The following TSPEAR variants were observed in gnomAD, a reference collection of about 807,000 sequenced individuals.
TSPEAR encodes thrombospondin type laminin G domain and EAR repeats.
TSPEAR carries 69 observed loss-of-function variants against 71.6 expected under a neutral mutation model. The ratio of observed to expected loss-of-function variants is 0.96; its 90% CI spans 0.79 to 1.18. The LOEUF (loss-of-function observed/expected upper bound fraction) is 1.18. Among genes scored for constraint, TSPEAR ranks in the 50% most tolerant of loss-of-function variants. The pLI, the probability that TSPEAR is intolerant of heterozygous loss-of-function variation, is 0.00. For missense variants in TSPEAR, 971 were observed against 894.9 expected (o/e 1.09, Z -1.09); for synonymous variants, 402 against 387.2 (o/e 1.04, Z -0.45).
chr21:44,599,134 T>TTCTCCCTCTCTCTCTC (rs1980576276), intron 1 of TSPEAR, among the ~76,000 whole-genome samples: 2 of 92,280 alleles, frequency 2.2e-5, no homozygotes, highest in Non-Finnish European at 4.8e-5. Context: ...GGCCCCCATT[T>TTCTCCCTCTCTCTCTC]TCTCTCTCTC....
intron 1 of TSPEAR, among the ~76,000 whole-genome samples, chr21:44,664,050 G>T (rs1040338842): frequency 6.6e-6 from 1 of 152,024 alleles, no homozygotes; most frequent in African/African-American, 2.4e-5. Flanking sequence ...CAACAACAAA[G>T]CAAGAACATT....
chr21:44,668,355 T>C (rs972556926), intron 1 of TSPEAR, among the ~76,000 whole-genome samples: 1 of 152,176 alleles, frequency 6.6e-6, no homozygotes, highest in Non-Finnish European at 1.5e-5. Context: ...TTAAAATAAT[T>C]GTGTAACAAA....
At chr21:44,633,105 G>C (rs1983349438) in intron 1 of TSPEAR, among the ~76,000 whole-genome samples, 1 of 152,042 alleles carries the variant, frequency 6.6e-6, no homozygotes, top group Non-Finnish European at 1.5e-5. Context: ...TTAATAATTA[G>C]AGCCTTCTCT....
At chr21:44,596,199 A>T (rs587626762) in intron 1 of TSPEAR, among the ~76,000 whole-genome samples, 1 of 152,224 alleles carries the variant, frequency 6.6e-6, no homozygotes, top group African/African-American at 2.4e-5. Context: ...GGCTGCCATC[A>T]TCTCTTTCCA....
At chr21:44,696,673 T>C (rs1426022033) in intron 1 of TSPEAR, among the ~76,000 whole-genome samples, 2 of 152,208 alleles carry the variant, frequency 1.3e-5, no homozygotes, top group African/African-American at 4.8e-5. Context: ...TTGACTCAAC[T>C]GAGTGTGAAG....
chr21:44,662,397 T>C (rs1555943857), intron 1 of TSPEAR, among the ~76,000 whole-genome samples: 1 of 152,144 alleles, frequency 6.6e-6, no homozygotes, highest in Non-Finnish European at 1.5e-5. Context: ...TAAAAAGGAA[T>C]ATTACATAAT....
intron 1 of TSPEAR, among the ~76,000 whole-genome samples, chr21:44,664,055 A>G (rs587635316): frequency 6.6e-6 from 1 of 152,286 alleles, no homozygotes; most frequent in South Asian, 2.1e-4. Flanking sequence ...ACAAAGCAAG[A>G]ACATTCACTT....
chr21:44,602,677 G>A (rs372469315), intron 1 of TSPEAR, among the ~76,000 whole-genome samples: 150 of 152,352 alleles, frequency 9.8e-4, no homozygotes, highest in African/African-American at 3.4e-3. Flanking sequence ...GGCAGAAGCT[G>A]CTCACGTGAC....
intron 1 of TSPEAR, among the ~76,000 whole-genome samples, chr21:44,673,905 C>CA (rs57778899): frequency 0.36 from 54,313 of 149,642 alleles, 11,060 homozygotes; most frequent in Admixed American, 0.47. Flanking sequence ...AAAAATTTCT[C>CA]AAAAAAAAAT....
chr21:44,589,679 G>C (rs77794106), intron 1 of TSPEAR, among the ~76,000 whole-genome samples: 3,031 of 152,316 alleles, frequency 0.02, 102 homozygotes, highest in African/African-American at 0.068. Flanking sequence ...GTCCTCCCTG[G>C]GGATGGCCAG....
chr21:44,519,310 C>A (rs1555913955), intron 9 of TSPEAR: 1 of 152,636 alleles, frequency 6.6e-6, no homozygotes, highest in Admixed American at 6.5e-5. Flanking sequence ...GGATTACAGG[C>A]TTGAGCCACT....
chr21:44,650,994 G>A (rs587601553), intron 1 of TSPEAR, among the ~76,000 whole-genome samples: 20 of 152,304 alleles, frequency 1.3e-4, no homozygotes, highest in South Asian at 6.2e-4. Context: ...TCCAGGTGGC[G>A]CCCCACCAGG....
In TSPEAR at chr21:44,687,357, C is replaced by T. The variant is rs1370086952; in HGVS notation, c.82+24076G>A. Among the ~76,000 whole-genome samples, 17 of 152,114 alleles carry T rather than the reference C, an allele frequency of 1.1e-4. No individual in the cohort carries two copies. Among genetic ancestry groups the T allele is most frequent in the Admixed American group, 1.0e-3 (16 of 15,274 alleles). ...GGCAGGCACACTTGTCCCACTGTAT[C>T]ATAACAGAAAAAACCGGAACGGCCC... On this transcript the variant is annotated intron_variant, in intron 1 of 11. Coordinates refer to ENST00000323084, the MANE Select transcript of TSPEAR (RefSeq NM_144991.3). This position sits in a 1 kb window ranked among gnomAD's most constrained non-coding sequence, Gnocchi z 4.4.
chr21:44,628,323 AC>A, intron 1 of TSPEAR: 1 of 367,926 alleles, frequency 2.7e-6, no homozygotes, highest in Non-Finnish European at 5.1e-6. Context: ...CCCGGGTCTC[AC>A]CCCCAGCAGC....
intron 1 of TSPEAR, among the ~76,000 whole-genome samples, chr21:44,600,283 CT>C (rs1980699314): frequency 6.6e-6 from 1 of 151,986 alleles, no homozygotes; most frequent in South Asian, 2.1e-4. Context: ...GCACAGGCCC[CT>C]GGGACACTCT....
intron 1 of TSPEAR, chr21:44,574,959 C>T: frequency 1.2e-6 from 2 of 1,606,870 alleles, no homozygotes; most frequent in Non-Finnish European, 1.7e-6. Context: ...CGTGTCCCTC[C>T]TCTGACGCCC....
rs1555915731 is a variant in TSPEAR, at chr21:44,531,143, T to A, written c.543-10A>T. 1.9e-6 allele frequency: 3 copies of A among 1,611,968 alleles called. No homozygotes were observed. In the African/African-American group the frequency reaches 4.0e-5, roughly 22 times the overall value. ...GGGCACATCGGCCATTCTGAAAATA[T>A]CAAAGGACTGTGTTAGGGCCATAGG... On this transcript the variant is annotated splice_polypyrimidine_tract_variant and intron_variant, in intron 3 of 11. Coordinates refer to ENST00000323084, the MANE Select transcript of TSPEAR (RefSeq NM_144991.3).
rs782764529 is a variant in TSPEAR, at chr21:44,533,728, C to G, written c.499G>C (p.Gly167Arg). 5 of 1,611,992 alleles carry G rather than the reference C, an allele frequency of 3.1e-6. No individual in the cohort carries two copies. Among genetic ancestry groups the G allele is most frequent in the Non-Finnish European group, 4.2e-6 (5 of 1,179,632 alleles). ...WHTLVLAVSAGVFSLTTDCGL... is the reference protein window; with the variant it reads ...WHTLVLAVSARVFSLTTDCGL... The stretch of plus-strand genomic sequence containing the variant: ...CAGTCCGTGGTGAGGGAGAAGACGC[C>G]TGCGGACACAGCCAGGACCAGTGTG... Residue 167 changes from glycine (G) to arginine (R), a missense_variant, in exon 3 of 12, where the codon GGC (glycine) becomes CGC (arginine). By Grantham distance (125) the Gly-to-Arg change is moderately radical. Coordinates refer to ENST00000323084, the MANE Select transcript of TSPEAR (RefSeq NM_144991.3).
rs781967968 is a variant in TSPEAR at position 44,533,785 on chromosome 21, G to A, written c.442C>T (p.Arg148Cys). ...CGGCCATCCACCAGGGCCGGGCTGC[G>A]GAAGGACACTCGGGTCTGCCAGGCG... ...AGAWQTRVSF[R>C]SPALVDGRWH... The change falls in exon 3 of 12, where the codon CGC becomes TGC. Residue 148 changes from arginine (R) to cysteine (C), a missense_variant. Coordinates refer to ENST00000323084, the MANE Select transcript of TSPEAR (RefSeq NM_144991.3). The A allele has an allele frequency of 4.2e-5, 67 of 1,612,410 alleles. No homozygotes were observed. The highest frequency in any genetic ancestry group is 5.3e-5 in the African/African-American group (4 of 74,924).
Sources: allele counts gnomAD v4.1 joint callset (sites outside exome capture counted in the v4.1 genomes callset), GRCh38; gene constraint gnomAD v4.1.1; non-coding constraint Gnocchi (gnomAD v3.1); transcripts MANE v1.5; gene names NCBI Gene and HGNC (gene_info 2026-07-23, HGNC 2026-07-21).